Variants in MSRB3 observed in about 807,000 individuals in gnomAD.
The protein encoded by MSRB3 is methionine-R-sulfoxide reductase B3.
A neutral mutation model predicts 21.0 loss-of-function variants in MSRB3; 13 were observed. The observed-to-expected ratio is 0.62, with a 90% CI of 0.40 to 0.98. The LOEUF is 0.98. Among genes scored for constraint, MSRB3 ranks in the 50% least tolerant of loss-of-function variants. The probability of loss-of-function intolerance (pLI) is 0.00; values close to 1 mark genes in which losing one functional copy is unlikely to be tolerated. For missense variants in MSRB3, 199 were observed against 230.3 expected, an observed-to-expected ratio of 0.86 and a Z score of 0.88; for synonymous variants, 87 against 88.6, an observed-to-expected ratio of 0.98 and a Z score of 0.10.
chr12:65,362,194 T>C (rs1877749159), intron 4 of MSRB3, among the ~76,000 whole-genome samples: 1 of 152,182 alleles, frequency 6.6e-6, no homozygotes, highest in Non-Finnish European at 1.5e-5. Flanking sequence ...ATTCTCTTGG[T>C]GTCCCTCTCA....
At position 65,278,883 on chromosome 12, in the gene MSRB3, T is replaced by A. The variant is rs781604311; in HGVS notation, c.-52+18T>A. On this transcript the variant is annotated intron_variant, in intron 1 of 6. Transcript: ENST00000308259. ...GCAGTCCGGTAAGTTCGGGCTCCCC[T>A]CCCCTCTCCTCCTCGCCTCACCCCT... 2 of 1,550,184 alleles carry A rather than the reference T, an allele frequency of 1.3e-6. No homozygotes were observed. The highest frequency in any genetic ancestry group is 4.9e-5 in the East Asian group (2 of 40,904).
At chr12:65,281,590 C>G (rs1005068891) in intron 1 of MSRB3, 7 of 152,240 alleles carry the variant, frequency 4.6e-5, no homozygotes, top group Admixed American at 4.6e-4. Context: ...TGTTAAGCTT[C>G]TATCACTTTT....
At chr12:65,386,259 G>T (rs916508187) in intron 5 of MSRB3, among the ~76,000 whole-genome samples, 58 of 151,770 alleles carry the variant, frequency 3.8e-4, no homozygotes, top group African/African-American at 1.4e-3. Flanking sequence ...AAATATCTGG[G>T]TTATTTTATA....
At chr12:65,311,682 G>T (rs529263038) in intron 2 of MSRB3, among the ~76,000 whole-genome samples, 2 of 152,070 alleles carry the variant, frequency 1.3e-5, no homozygotes, top group South Asian at 2.1e-4. Context: ...ATATAATGTT[G>T]CTGGTCAAAA....
At chr12:65,398,800 G>T (rs1291553393) in intron 5 of MSRB3, among the ~76,000 whole-genome samples, 1 of 152,096 alleles carries the variant, frequency 6.6e-6, no homozygotes. Flanking sequence ...TGTAAGGAAG[G>T]GTTCGGTTTC....
intron 5 of MSRB3, among the ~76,000 whole-genome samples, chr12:65,450,697 C>T (rs1455357983): frequency 6.6e-6 from 1 of 152,090 alleles, no homozygotes; most frequent in African/African-American, 2.4e-5. Flanking sequence ...AAACACACTC[C>T]CCTTCCCCCA....
intron 4 of MSRB3, among the ~76,000 whole-genome samples, chr12:65,341,128 T>C (rs557232142): frequency 6.6e-6 from 1 of 152,194 alleles, no homozygotes; most frequent in South Asian, 2.1e-4. Context: ...GCAGCACTGT[T>C]CACAATAGCC....
At chr12:65,421,013 C>A (rs950705403) in intron 5 of MSRB3, among the ~76,000 whole-genome samples, 5 of 152,082 alleles carry the variant, frequency 3.3e-5, no homozygotes, top group African/African-American at 1.2e-4. Context: ...AATGGTAGTT[C>A]CACTTTTAGC....
chr12:65,320,202 G>T (rs1444959733), intron 2 of MSRB3, among the ~76,000 whole-genome samples: 1 of 152,006 alleles, frequency 6.6e-6, no homozygotes, highest in Admixed American at 6.6e-5. Flanking sequence ...ATAAAGATAT[G>T]ATTTTTCTTA....
At chr12:65,280,573 C>A (rs1373108287) in intron 1 of MSRB3, among the ~76,000 whole-genome samples, 1 of 152,156 alleles carries the variant, frequency 6.6e-6, no homozygotes, top group Non-Finnish European at 1.5e-5. Context: ...AACATATATT[C>A]TTTTAATTCC....
intron 2 of MSRB3, among the ~76,000 whole-genome samples, chr12:65,315,386 T>G (rs949196261): frequency 6.6e-6 from 1 of 152,164 alleles, no homozygotes; most frequent in South Asian, 2.1e-4. Flanking sequence ...AAATACACCA[T>G]GAGGCCTGGC....
intron 5 of MSRB3, among the ~76,000 whole-genome samples, chr12:65,400,431 T>G (rs865938559): frequency 6.6e-6 from 1 of 152,150 alleles, no homozygotes; most frequent in Admixed American, 6.5e-5. Flanking sequence ...TGGTAGTTTG[T>G]ATTTCTGTGG....
In MSRB3 at chr12:65,463,245, C is replaced by T; in HGVS notation, c.481C>T (p.Pro161Ser). Reference sequence around the variant, plus strand: ...AAATTCGGCTGCCTTGTCTTTTACACCTGCGGATAGCAGTGGCACCGCCGA... The same window carrying T: ...AAATTCGGCTGCCTTGTCTTTTACATCTGCGGATAGCAGTGGCACCGCCGA... The part of the protein sequence containing the change: ...CINSAALSFT[P>S]ADSSGTAEGG... The change falls in exon 7 of 7, where the codon CCT becomes TCT. Residue 161 changes from proline to serine, a missense_variant. Pro to Ser is a moderately conservative substitution (Grantham distance 74). Transcript: ENST00000308259. 6.2e-7 allele frequency: 1 copy of T among 1,614,202 alleles called. No individual in the cohort carries two copies. The highest frequency in any genetic ancestry group is 8.5e-7 in the Non-Finnish European group (1 of 1,180,046).
Position 65,431,849 on chromosome 12 carries a change from A to G in MSRB3, c.293-21879A>G, listed in dbSNP as rs184318363. ...TGTTTATAAATGGCAGTAGCTGAGT[A>G]TGCACAGAAGAGACTGAAGTCTAAG... On this transcript the variant is annotated intron_variant, in intron 5 of 6. Coordinates refer to ENST00000308259, the MANE Select transcript of MSRB3 (RefSeq NM_001031679.3). Among the ~76,000 whole-genome samples, 377 of 152,226 alleles carry G rather than the reference A, an allele frequency of 2.5e-3. 1 individual carries two copies. Among genetic ancestry groups the G allele is most frequent in the African/African-American group, 8.3e-3 (344 of 41,576 alleles).
intron 5 of MSRB3, among the ~76,000 whole-genome samples, chr12:65,416,632 C>A (rs975771117): frequency 1.3e-5 from 2 of 152,154 alleles, no homozygotes; most frequent in Non-Finnish European, 2.9e-5. Flanking sequence ...CTTTATGTAT[C>A]TGAACAGATC....
chr12:65,367,122 G>A (rs1430952853), intron 4 of MSRB3, among the ~76,000 whole-genome samples: 2 of 152,202 alleles, frequency 1.3e-5, no homozygotes, highest in Non-Finnish European at 2.9e-5. Context: ...AGATTGCACT[G>A]ATTCAAGGAC....
intron 5 of MSRB3, among the ~76,000 whole-genome samples, chr12:65,409,170 G>A (rs1880583160): frequency 6.6e-6 from 1 of 151,538 alleles, no homozygotes. Flanking sequence ...ATATACGTGT[G>A]TGTGTGTTTG....
At chr12:65,425,197 T>A (rs1881538009) in intron 5 of MSRB3, among the ~76,000 whole-genome samples, 1 of 151,484 alleles carries the variant, frequency 6.6e-6, no homozygotes, top group Non-Finnish European at 1.5e-5. Context: ...TGGTTTCTAT[T>A]TACATGGAAT....
chr12:65,309,448 C>T (rs995747042), intron 2 of MSRB3, among the ~76,000 whole-genome samples: 3 of 152,038 alleles, frequency 2.0e-5, no homozygotes, highest in African/African-American at 7.2e-5. Context: ...CTATGCATGC[C>T]AGGCATTGTG....
Sources: allele counts gnomAD v4.1 joint callset (sites outside exome capture counted in the v4.1 genomes callset), GRCh38; gene constraint gnomAD v4.1.1; transcripts MANE v1.5; gene names NCBI Gene and HGNC (gene_info 2026-07-23, HGNC 2026-07-21).